The following EML5 variants were observed in gnomAD, a reference collection of about 807,000 sequenced individuals.
The protein encoded by EML5 is echinoderm microtubule-associated protein-like 5.
In EML5, 120 loss-of-function variants were observed where a neutral mutation model predicts 250.0. That is an observed-to-expected ratio of 0.48 (90% CI 0.41 to 0.56). The LOEUF (loss-of-function observed/expected upper bound fraction) is 0.56, where lower values mean the gene tolerates loss of function less well. Ranked by LOEUF, EML5 falls within the 20% of genes least tolerant of loss-of-function variation. EML5 has a pLI of 0.00. For missense variants in EML5, 2,006 were observed against 2,437.6 expected, an observed-to-expected ratio of 0.82 and a Z score of 3.73; for synonymous variants, 771 against 806.5, an observed-to-expected ratio of 0.96 and a Z score of 0.75.
chr14:88,636,673 A>C (rs1362763128), intron 32 of EML5, among the ~76,000 whole-genome samples: 1 of 152,152 alleles, frequency 6.6e-6, no homozygotes, highest in South Asian at 2.1e-4. Flanking sequence ...ACAAAGAAAC[A>C]AATAAAAGAT....
chr14:88,684,331 C>T (rs1457654409), intron 20 of EML5, among the ~76,000 whole-genome samples: 3 of 97,962 alleles, frequency 3.1e-5, no homozygotes, highest in African/African-American at 4.5e-5. Flanking sequence ...CCACTACGCC[C>T]GGCTAATTTT....
intron 2 of EML5, among the ~76,000 whole-genome samples, chr14:88,752,978 C>G (rs529060806): frequency 2.4e-4 from 36 of 152,312 alleles, no homozygotes; most frequent in African/African-American, 7.7e-4. Context: ...ACCCTTCAAT[C>G]TGTTCGTGTA....
In EML5 at chr14:88,770,853, A is replaced by G. The variant is rs1455290173; in HGVS notation, c.198-16182T>C. On this transcript the variant is annotated intron_variant, in intron 1 of 43. Transcript: ENST00000554922. ...AAAACATTTAACAAGATTATTACCC[A>G]TCCATATTGTGACACTATCATCTGA... 3.3e-5 allele frequency among the ~76,000 whole-genome samples: 5 copies of G among 152,356 alleles called. No individual in the cohort carries two copies. The East Asian group carries it at 7.7e-4, about 23-fold the overall frequency.
chr14:88,684,392 G>T (rs1056617600), intron 20 of EML5, among the ~76,000 whole-genome samples: 1 of 135,722 alleles, frequency 7.4e-6, no homozygotes, highest in African/African-American at 2.9e-5. Context: ...GGATGGTCTC[G>T]ATCTCCTGAC....
chr14:88,754,756 T>C (rs2094139438), intron 1 of EML5, 85 bp from the exon 2 acceptor site: 2 of 1,128,372 alleles, frequency 1.8e-6, no homozygotes, highest in African/African-American at 1.6e-5. Flanking sequence ...AAAACACATA[T>C]ACCAGTGTGA....
chr14:88,786,730 C>A (rs2094554904), intron 1 of EML5, among the ~76,000 whole-genome samples: 1 of 152,118 alleles, frequency 6.6e-6, no homozygotes, highest in Non-Finnish European at 1.5e-5. Flanking sequence ...TCGGCTTTTG[C>A]ATCTTCCTCA....
chr14:88,697,196 A>G (rs1254561839), intron 14 of EML5, among the ~76,000 whole-genome samples: 2 of 152,202 alleles, frequency 1.3e-5, no homozygotes, highest in African/African-American at 2.4e-5. Flanking sequence ...CTTTTATCAT[A>G]TATTTCATCA....
chr14:88,627,763 G>A lies in EML5; in HGVS notation c.4414C>T (p.Leu1472=). 6.2e-7 allele frequency: 1 copy of A among 1,611,312 alleles called. No homozygotes were observed. The highest frequency in any genetic ancestry group is 1.1e-5 in the South Asian group (1 of 90,602). The change falls in exon 34 of 44, where the codon CTA becomes TTA. Residue 1472 remains leucine, a synonymous_variant. Coordinates refer to ENST00000554922, the MANE Select transcript of EML5 (RefSeq NM_183387.3). The stretch of plus-strand genomic sequence containing the variant: ...ACTCCCTTTGAATGGTAGCATCTTA[G>A]GATAGATAAAGTCTGCTTGTTCATT... The part of the protein sequence containing the change: ...DAMNKQTLSI[L]RCYHSKGVCS...
rs185251401 is a variant in EML5 at position 88,702,524 on chromosome 14, C to T, written c.2160G>A (p.Gln720=). The T allele has an allele frequency of 4.0e-4, 650 of 1,613,322 alleles. 3 individuals carry two copies. Among genetic ancestry groups the T allele is most frequent in the South Asian group, 4.0e-4 (36 of 91,008 alleles). Residue 720 remains glutamine (Q), a synonymous_variant, in exon 14 of 44, where the codon CAG becomes CAA. Coordinates refer to ENST00000554922, the MANE Select transcript of EML5 (RefSeq NM_183387.3). ...CATCATCATGACCCAGATAAAAACG[C>T]TGTGTGTTTTGCTGTCGATTATAAA... ...GVIYNRQQNT[Q]RFYLGHDDDI... is the part of the protein sequence containing the mutation.
At chr14:88,749,269 G>C (rs923551191) in intron 2 of EML5, among the ~76,000 whole-genome samples, 2 of 152,194 alleles carry the variant, frequency 1.3e-5, no homozygotes, top group African/African-American at 2.4e-5. Context: ...TAAGTTAGAA[G>C]ACAATGGACA....
rs1482464463 is a variant in EML5 at position 88,713,578 on chromosome 14, A to G, written c.1445-1095T>C. Among the ~76,000 whole-genome samples, 4 of 150,920 alleles carry G rather than the reference A, an allele frequency of 2.7e-5. No individual in the cohort carries two copies. The East Asian group carries it at 7.8e-4, about 29-fold the overall frequency. On this transcript the variant is annotated intron_variant, in intron 9 of 43. Transcript: ENST00000554922. The stretch of plus-strand genomic sequence containing the variant: ...CAGCAGCCTTGAACTCCCAGCTCAA[A>G]TGATCCTCCCACTGCAGGTGCATGC...
intron 1 of EML5, among the ~76,000 whole-genome samples, chr14:88,768,433 CAG>C (rs930807269): frequency 2.7e-5 from 4 of 150,274 alleles, no homozygotes; most frequent in Non-Finnish European, 5.9e-5. Flanking sequence ...TTTTTTGAGA[CAG>C]AGTTTCGCTC....
chr14:88,721,793 G>A (rs193109131), intron 8 of EML5, among the ~76,000 whole-genome samples: 21 of 151,964 alleles, frequency 1.4e-4, no homozygotes, highest in Non-Finnish European at 2.1e-4. Flanking sequence ...AAAGAGCTTC[G>A]GCACAATAAA....
chr14:88,752,471 T>C (rs12880096), intron 2 of EML5, among the ~76,000 whole-genome samples: 97,241 of 152,044 alleles, frequency 0.64, 33,108 homozygotes, highest in East Asian at 0.94. Flanking sequence ...AAAAATGGGA[T>C]ATGAATTAAG....
intron 10 of EML5, among the ~76,000 whole-genome samples, chr14:88,708,581 G>A (rs754270766): frequency 1.3e-5 from 2 of 152,092 alleles, no homozygotes; most frequent in Non-Finnish European, 2.9e-5. Context: ...GTAGGAAAGA[G>A]TAGTAAAGGA....
chr14:88,731,479 T>C (rs575204689), intron 7 of EML5, among the ~76,000 whole-genome samples: 5 of 152,210 alleles, frequency 3.3e-5, no homozygotes, highest in East Asian at 3.9e-4. Context: ...TGATGGACAT[T>C]TGGGTTGGTT....
chr14:88,688,192 C>A, intron 18 of EML5, 79 bp downstream of exon 18: 1 of 1,392,348 alleles, frequency 7.2e-7, no homozygotes, highest in Non-Finnish European at 1.0e-6. Flanking sequence ...AGTAGAAAGG[C>A]AGTGTTCCTT....
At chr14:88,765,507 A>C (rs1423909975) in intron 1 of EML5, among the ~76,000 whole-genome samples, 1 of 152,138 alleles carries the variant, frequency 6.6e-6, no homozygotes, top group Non-Finnish European at 1.5e-5. Flanking sequence ...CTTCTGCTGC[A>C]TGTTTTCTCA....
chr14:88,784,080 A>G lies in EML5; in HGVS notation c.197+8227T>C, dbSNP rs895887495. ...GGTCCATGAAGAAATTAAAAAGGAA[A>G]CTGAAAAATTTCTTGAAACAAATGT... On this transcript the variant is annotated intron_variant, in intron 1 of 43. Coordinates refer to ENST00000554922, the MANE Select transcript of EML5 (RefSeq NM_183387.3). 7.2e-5 allele frequency among the ~76,000 whole-genome samples: 11 copies of G among 152,234 alleles called. 1 individual carries two copies. The highest frequency in any genetic ancestry group is 2.4e-5 in the African/African-American group (1 of 41,468).
Sources: gnomAD v4.1 joint callset for allele counts (sites outside exome capture counted in the v4.1 genomes callset) on GRCh38, gnomAD v4.1.1 for gene constraint, MANE v1.5 for transcripts, NCBI Gene and HGNC (gene_info 2026-07-23, HGNC 2026-07-21) for gene names.